The following LINGO1 variants were observed in gnomAD, a reference collection of about 807,000 sequenced individuals.
The protein encoded by LINGO1 is leucine rich repeat and Ig domain containing 1, also known as leucine-rich repeat and immunoglobulin-like domain-containing nogo receptor-interacting protein 1.
A neutral mutation model predicts 37.3 loss-of-function variants in LINGO1; 11 were observed. The ratio of observed to expected loss-of-function variants is 0.29; its 90% CI spans 0.19 to 0.49. The LOEUF is 0.49. LINGO1 is among the 20% of genes least tolerant of loss of function. The probability of loss-of-function intolerance (pLI) is 0.99; values close to 1 mark genes in which losing one functional copy is unlikely to be tolerated. For missense variants in LINGO1, 585 were observed against 878.2 expected, an observed-to-expected ratio of 0.67 and a Z score of 4.22; for synonymous variants, 387 against 403.0, an observed-to-expected ratio of 0.96 and a Z score of 0.48.
intron 1 of LINGO1, among the ~76,000 whole-genome samples, chr15:77,761,307 AC>A (rs1233769048): frequency 6.6e-6 from 1 of 152,070 alleles, no homozygotes; most frequent in Non-Finnish European, 1.5e-5. Context: ...CAATACAGGG[AC>A]CCACCACCAA....
upstream of LINGO1, among the ~76,000 whole-genome samples, chr15:77,632,914 G>C (rs1428552720): frequency 3.3e-5 from 5 of 151,200 alleles, no homozygotes; most frequent in African/African-American, 9.7e-5. The surrounding 1 kb of genome is among the most constrained non-coding windows in gnomAD (Gnocchi z 6.0). Flanking sequence ...GGGAGCACTA[G>C]GAGCGAGCCA....
chr15:77,743,986 G>A (rs2076289623), intron 1 of LINGO1, among the ~76,000 whole-genome samples: 1 of 152,168 alleles, frequency 6.6e-6, no homozygotes, highest in Non-Finnish European at 1.5e-5. Flanking sequence ...TATACGCCAG[G>A]TCCTGAGGGT....
rs959070762 is a variant in LINGO1 at position 77,613,283 on chromosome 15, G to C, written c.*761C>G. Reference sequence around the variant, plus strand: ...CCACTGACTGTGCTGTCCCCCAGGAGGACCCCAGCCTCTGTCCAGAGTCTC... The same window carrying C: ...CCACTGACTGTGCTGTCCCCCAGGACGACCCCAGCCTCTGTCCAGAGTCTC... On this transcript the variant is annotated 3_prime_UTR_variant, in exon 2 of 2. Coordinates refer to ENST00000355300, the MANE Select transcript of LINGO1 (RefSeq NM_032808.7). 1.5e-4 allele frequency: 23 copies of C among 152,324 alleles called. No individual in the cohort carries two copies. The highest frequency in any genetic ancestry group is 5.5e-4 in the African/African-American group (23 of 41,526). The allele number at this position is 152,324 out of a possible 1,614,324, so 9.4% of individuals were successfully genotyped here.
chr15:77,809,496 C>G (rs1248573778), intron 1 of LINGO1, among the ~76,000 whole-genome samples: 3 of 152,226 alleles, frequency 2.0e-5, no homozygotes, highest in African/African-American at 7.2e-5. Flanking sequence ...CCAGGTCCCT[C>G]TGGGATCTAG....
At position 77,749,557 on chromosome 15, in the gene LINGO1, C is replaced by T. The variant is rs558058090; in HGVS notation, c.-256-14504G>A. Among the ~76,000 whole-genome samples the T allele has an allele frequency of 2.8e-4, 42 of 152,358 alleles. No homozygotes were observed. The South Asian group carries it at 8.1e-3, about 29-fold the overall frequency. On this transcript the variant is annotated intron_variant, in intron 1 of 3. Coordinates refer to the LINGO1 transcript ENST00000561686. ...TGGGTCTGGGTCTCTAACTCCTGACCTCCTTCCTCCAGAGCCACCATGTGG... is the reference window on the plus strand; with the variant it reads ...TGGGTCTGGGTCTCTAACTCCTGACTTCCTTCCTCCAGAGCCACCATGTGG...
intron 1 of LINGO1, among the ~76,000 whole-genome samples, chr15:77,801,578 A>G (rs1354486710): frequency 7.1e-6 from 1 of 141,616 alleles, no homozygotes; most frequent in Non-Finnish European, 1.5e-5. Context: ...AACAAAATCA[A>G]TAAAGAGTTA....
At chr15:77,758,663 C>T (rs895155415) in intron 1 of LINGO1, among the ~76,000 whole-genome samples, 1 of 152,156 alleles carries the variant, frequency 6.6e-6, no homozygotes, top group Non-Finnish European at 1.5e-5. Context: ...TTCCCATTTA[C>T]TCTGTGACAT....
upstream of LINGO1, among the ~76,000 whole-genome samples, chr15:77,790,550 T>G (rs140815506): frequency 5.5e-4 from 84 of 152,088 alleles, no homozygotes; most frequent in Admixed American, 3.0e-3. Context: ...CACTGCTCCA[T>G]GAGTTCTCTT....
chr15:77,705,426 G>A (rs1465158206), intron 2 of LINGO1, among the ~76,000 whole-genome samples: 1 of 152,202 alleles, frequency 6.6e-6, no homozygotes, highest in Non-Finnish European at 1.5e-5. Flanking sequence ...ACTGGGAGGT[G>A]CGTGGTGGCC....
chr15:77,796,295 T>A (rs940190305), intron 1 of LINGO1, among the ~76,000 whole-genome samples: 1 of 152,086 alleles, frequency 6.6e-6, no homozygotes, highest in African/African-American at 2.4e-5. Context: ...CATGCCCACA[T>A]GTGCGTGCGG....
At chr15:77,720,918 A>G (rs2076043291) in intron 2 of LINGO1, among the ~76,000 whole-genome samples, 1 of 151,314 alleles carries the variant, frequency 6.6e-6, no homozygotes, top group Non-Finnish European at 1.5e-5. Context: ...CCCTCCACCC[A>G]CGGCTGAAGG....
In LINGO1 at chr15:77,629,298, G is replaced by GTTCGTTCA. The variant is rs112985933; in HGVS notation, c.6+3011_6+3012insTGAACGAA. The stretch of plus-strand genomic sequence containing the variant: ...GGGATATTCATTCGTTCGCTTGTTC[G>GTTCGTTCA]TTCATTCATTCATTCATTCATTCTT... On this transcript the variant is annotated intron_variant, in intron 1 of 1. Transcript: ENST00000355300. Among the ~76,000 whole-genome samples, 979 of 151,946 alleles carry GTTCGTTCA rather than the reference G, an allele frequency of 6.4e-3. 10 individuals are homozygous for GTTCGTTCA. Among genetic ancestry groups the GTTCGTTCA allele is most frequent in the Middle Eastern group, 0.024 (7 of 294 alleles).
intron 1 of LINGO1, among the ~76,000 whole-genome samples, chr15:77,755,811 A>G (rs1370117392): frequency 6.7e-6 from 1 of 150,198 alleles, no homozygotes; most frequent in Non-Finnish European, 1.5e-5. Context: ...TCTCCCCCAC[A>G]CTCCCACCTC....
At chr15:77,757,817 C>A (rs2076435344) in intron 1 of LINGO1, among the ~76,000 whole-genome samples, 1 of 152,210 alleles carries the variant, frequency 6.6e-6, no homozygotes, top group Non-Finnish European at 1.5e-5. Context: ...GGGGCTCAGT[C>A]CCCAGCCCTG....
At chr15:77,666,309 G>A (rs1378620687) in intron 3 of LINGO1, among the ~76,000 whole-genome samples, 1 of 152,202 alleles carries the variant, frequency 6.6e-6, no homozygotes, top group African/African-American at 2.4e-5. Context: ...AACAGCCCTG[G>A]TGGAGGACCT....
chr15:77,779,766 G>A (rs899105381), intron 1 of LINGO1, among the ~76,000 whole-genome samples: 8 of 152,134 alleles, frequency 5.3e-5, no homozygotes, highest in African/African-American at 1.2e-4. Context: ...CCAGTCCCCC[G>A]GGGGTTGTGG....
chr15:77,613,452 C>T lies in LINGO1; in HGVS notation c.*592G>A, dbSNP rs116468146. On this transcript the variant is annotated 3_prime_UTR_variant, in exon 2 of 2. Transcript: ENST00000355300. Reference sequence around the variant, plus strand: ...CCCGGAGCTGGGCCCAGGCCTGCCCCCTAGCCTGCTCCTGATGGTGCCTGG... The same window carrying T: ...CCCGGAGCTGGGCCCAGGCCTGCCCTCTAGCCTGCTCCTGATGGTGCCTGG... The T allele has an allele frequency of 3.5e-3, 557 of 157,500 alleles. 2 individuals carry two copies. Among genetic ancestry groups the T allele is most frequent in the African/African-American group, 0.013 (533 of 41,594 alleles). 9.8% of individuals were successfully genotyped at this position (157,500 alleles called of 1,614,324 possible).
intron 1 of LINGO1, among the ~76,000 whole-genome samples, chr15:77,816,819 G>A (rs1277039103): frequency 6.6e-6 from 1 of 152,154 alleles, no homozygotes; most frequent in Non-Finnish European, 1.5e-5. Context: ...AGAAGAACCG[G>A]GGCAGGGGTT....
chr15:77,642,823 G>A (rs1261326527), intron 3 of LINGO1, among the ~76,000 whole-genome samples: 3 of 152,204 alleles, frequency 2.0e-5, no homozygotes, highest in East Asian at 3.8e-4. Context: ...TATCAAATAC[G>A]CTTTGAGCCT....
Sources: allele counts gnomAD v4.1 joint callset (sites outside exome capture counted in the v4.1 genomes callset), GRCh38; gene constraint gnomAD v4.1.1; non-coding constraint Gnocchi (gnomAD v3.1); transcripts MANE v1.5; gene names NCBI Gene and HGNC (gene_info 2026-07-23, HGNC 2026-07-21).